The following GAD2 variants were observed in gnomAD, a reference collection of about 807,000 sequenced individuals.
The protein encoded by GAD2 is 65 kDa glutamic acid decarboxylase.
A neutral mutation model predicts 80.1 loss-of-function variants in GAD2; 22 were observed. That is an observed-to-expected ratio of 0.27 (90% CI 0.20 to 0.39). The LOEUF (loss-of-function observed/expected upper bound fraction) is 0.39. GAD2 is among the 10% of genes least tolerant of loss of function. The probability of loss-of-function intolerance (pLI) is 1.00; values close to 1 mark genes in which losing one functional copy is unlikely to be tolerated. For synonymous variants in GAD2, 274 were observed against 256.9 expected, an observed-to-expected ratio of 1.07 and a Z score of -0.64; for missense variants, 624 against 738.4, an observed-to-expected ratio of 0.85 and a Z score of 1.80.
intron 4 of GAD2, among the ~76,000 whole-genome samples, chr10:26,222,711 T>C (rs952510704): frequency 5.3e-5 from 8 of 152,216 alleles, no homozygotes; most frequent in Non-Finnish European, 1.2e-4. Context: ...CTTATATCTT[T>C]ACCCAGTGTC....
Position 26,220,123 on chromosome 10 carries a change from C to A in GAD2, c.520+847C>A, listed in dbSNP as rs145967680. Among the ~76,000 whole-genome samples, 88 of 152,248 alleles carry A rather than the reference C, an allele frequency of 5.8e-4. No individual in the cohort carries two copies. The Middle Eastern group carries it at 0.014, about 24-fold the overall frequency. ...CATTCATCTGCCCAGGTCTTGATTA[C>A]CCTCGCTTTTTACGTTGTCTCTAAT... On this transcript the variant is annotated intron_variant, in intron 4 of 15. Transcript: ENST00000376261.
intron 15 of GAD2, among the ~76,000 whole-genome samples, chr10:26,299,322 A>G (rs1254584415): frequency 6.6e-6 from 1 of 152,250 alleles, no homozygotes; most frequent in Non-Finnish European, 1.5e-5. Context: ...TGTCTATTTA[A>G]GATAAATCCA....
upstream of GAD2, chr10:26,216,681 C>T (rs925419914): frequency 3.9e-5 from 22 of 570,806 alleles, no homozygotes; most frequent in Non-Finnish European, 5.8e-5. This position sits in a 1 kb window ranked among gnomAD's most constrained non-coding sequence, Gnocchi z 4.7. Context: ...CCTCGCCGCT[C>T]GGCCCCGCCG....
chr10:26,218,573 A>ACACAC (rs1564654445), intron 3 of GAD2, among the ~76,000 whole-genome samples: 1 of 151,562 alleles, frequency 6.6e-6, no homozygotes, highest in Non-Finnish European at 1.5e-5. Flanking sequence ...ACACACACAC[A>ACACAC]CACACACACA....
chr10:26,277,987 CTGTT>C (rs945286957), intron 11 of GAD2, among the ~76,000 whole-genome samples: 3 of 150,424 alleles, frequency 2.0e-5, no homozygotes, highest in Admixed American at 1.3e-4. Flanking sequence ...GAACCTGAGG[CTGTT>C]TTTTTTTTTT....
Position 26,217,707 on chromosome 10 carries a change from G to C in GAD2, c.136+38G>C, listed in dbSNP as rs777197659. The C allele has an allele frequency of 1.2e-6, 2 of 1,607,018 alleles. No individual in the cohort carries two copies. Among genetic ancestry groups the C allele is most frequent in the East Asian group, 2.2e-5 (1 of 44,702 alleles). On this transcript the variant is annotated intron_variant, in intron 2 of 15. Coordinates refer to ENST00000376261, the MANE Select transcript of GAD2 (RefSeq NM_001134366.2). This position sits in a 1 kb window ranked among gnomAD's most constrained non-coding sequence, Gnocchi z 4.9. ...GGACCGGGGCGGCCAAGGTCGGCCC[G>C]CGGGGTCCAAGCAGTCTTCTCACCT...
chr10:26,222,027 C>T (rs1303396314), intron 4 of GAD2, among the ~76,000 whole-genome samples: 3 of 152,156 alleles, frequency 2.0e-5, no homozygotes, highest in Non-Finnish European at 1.5e-5. Flanking sequence ...TGCCAGAAAT[C>T]GAGAGAGCCT....
intron 4 of GAD2, among the ~76,000 whole-genome samples, chr10:26,223,664 T>TG (rs756955493): frequency 2.6e-5 from 4 of 151,282 alleles, no homozygotes; most frequent in Admixed American, 1.3e-4. Context: ...GTAGTCTTCG[T>TG]GGTTAGAGGA....
chr10:26,217,852 C>T lies in GAD2; in HGVS notation c.147C>T (p.Tyr49=), dbSNP rs768975616. The change falls in exon 3 of 16, where the codon TAC becomes TAT. Residue 49 remains tyrosine (Y), a synonymous_variant. Coordinates refer to ENST00000376261, the MANE Select transcript of GAD2 (RefSeq NM_001134366.2). This position sits in a 1 kb window ranked among gnomAD's most constrained non-coding sequence, Gnocchi z 4.9. Reference sequence around the variant, plus strand: ...GGTGTCCTTACCCAGCCCTGCTCTACGGAGACGCCGAGAAGCCGGCGGAGA... The same window carrying T: ...GGTGTCCTTACCCAGCCCTGCTCTATGGAGACGCCGAGAAGCCGGCGGAGA... ...GIGNKLCALL[Y]GDAEKPAESG... 1.9e-5 allele frequency: 31 copies of T among 1,605,134 alleles called. No homozygotes were observed. The East Asian group carries it at 6.3e-4, about 32-fold the overall frequency.
Position 26,282,834 on chromosome 10 carries a change from A to G in GAD2, c.1236+1747A>G, listed in dbSNP as rs1845286664. On this transcript the variant is annotated intron_variant, in intron 12 of 15. Coordinates refer to ENST00000376261, the MANE Select transcript of GAD2 (RefSeq NM_001134366.2). ...CTGTGTCTTCATCAGTAATAAAAAT[A>G]TGGACACAGGATTGAAGACAGCAAC... Among the ~76,000 whole-genome samples the G allele has an allele frequency of 2.0e-5, 3 of 152,206 alleles. No homozygotes were observed. In the South Asian group the frequency reaches 6.2e-4, roughly 32 times the overall value.
chr10:26,295,878 G>A (rs571091988), intron 15 of GAD2, among the ~76,000 whole-genome samples: 19 of 152,298 alleles, frequency 1.2e-4, no homozygotes, highest in African/African-American at 4.3e-4. Context: ...ACAAGACAAG[G>A]CAGAGAAATT....
At chr10:26,279,990 C>A (rs1320292085) in intron 11 of GAD2, among the ~76,000 whole-genome samples, 1 of 152,196 alleles carries the variant, frequency 6.6e-6, no homozygotes, top group Non-Finnish European at 1.5e-5. Context: ...TCTTTGAGCT[C>A]CAGGACACTG....
chr10:26,218,338 T>G, intron 3 of GAD2: 1 of 245,882 alleles, frequency 4.1e-6, no homozygotes, highest in East Asian at 8.0e-5. Context: ...GGGACTCAGT[T>G]TCCAAATACC....
At chr10:26,249,166 G>T (rs1374019633) in intron 8 of GAD2, among the ~76,000 whole-genome samples, 1 of 152,140 alleles carries the variant, frequency 6.6e-6, no homozygotes. Flanking sequence ...GGGTTCAAGC[G>T]ATTCTTGCGC....
chr10:26,284,498 T>G (rs1845306921), intron 12 of GAD2, among the ~76,000 whole-genome samples: 1 of 151,882 alleles, frequency 6.6e-6, no homozygotes, highest in South Asian at 2.1e-4. Context: ...ACTAAGGCCT[T>G]CTGTAGGGAA....
chr10:26,247,547 G>T (rs1011204962), intron 8 of GAD2, among the ~76,000 whole-genome samples: 4 of 152,110 alleles, frequency 2.6e-5, no homozygotes, highest in Admixed American at 6.5e-5. Flanking sequence ...CTTAGCAGAG[G>T]CATGGGGGAG....
chr10:26,219,339 C>T (rs1844425260), intron 4 of GAD2, 63 bp downstream of exon 4: 1 of 1,112,620 alleles, frequency 9.0e-7, no homozygotes. Context: ...TTATTTTTTT[C>T]TATAAAATGT....
At chr10:26,257,316 G>C (rs903173705) in intron 8 of GAD2, among the ~76,000 whole-genome samples, 2 of 152,194 alleles carry the variant, frequency 1.3e-5, no homozygotes, top group Non-Finnish European at 2.9e-5. Context: ...GGCAGAGGTT[G>C]CAGTGAGCCA....
intron 8 of GAD2, among the ~76,000 whole-genome samples, chr10:26,251,505 T>C (rs1844880441): frequency 6.6e-6 from 1 of 152,244 alleles, no homozygotes; most frequent in African/African-American, 2.4e-5. Flanking sequence ...TGTAAAATGC[T>C]GAAAACAATC....
Sources: allele counts gnomAD v4.1 joint callset (sites outside exome capture counted in the v4.1 genomes callset), GRCh38; gene constraint gnomAD v4.1.1; non-coding constraint Gnocchi (gnomAD v3.1); transcripts MANE v1.5; gene names NCBI Gene and HGNC (gene_info 2026-07-23, HGNC 2026-07-21).